The following ANTXRL variants were observed in gnomAD, a reference collection of about 807,000 sequenced individuals.
ANTXRL encodes the protein anthrax toxin receptor-like.
A neutral mutation model predicts 75.4 loss-of-function variants in ANTXRL; 63 were observed. The observed-to-expected ratio is 0.84, with a 90% CI of 0.68 to 1.03. ANTXRL has a LOEUF of 1.03. Ranked by LOEUF, ANTXRL falls within the 50% of genes least tolerant of loss-of-function variation. The pLI is 0.00. For synonymous variants in ANTXRL, 335 were observed against 291.3 expected, an observed-to-expected ratio of 1.15 and a Z score of -1.53; for missense variants, 797 against 789.4, an observed-to-expected ratio of 1.01 and a Z score of -0.12.
At chr10:46,303,368 C>T (rs1837873988) in intron 10 of ANTXRL, among the ~76,000 whole-genome samples, 1 of 152,182 alleles carries the variant, frequency 6.6e-6, no homozygotes, top group South Asian at 2.1e-4. Flanking sequence ...CCTCTATTTT[C>T]TCAATTTAAC....
In ANTXRL at chr10:46,291,723, G is replaced by T. The variant is rs72790436; in HGVS notation, c.249-335G>T. Among the ~76,000 whole-genome samples the T allele has an allele frequency of 4.9e-3, 745 of 152,174 alleles. 12 individuals carry two copies. Among genetic ancestry groups the T allele is most frequent in the Admixed American group, 0.011 (173 of 15,282 alleles). ...TTCTATATTTGGATTGTTCACTGGG[G>T]GCTTTTCCAACCAGTACATTCTCTC... On this transcript the variant is annotated intron_variant, in intron 1 of 16. Coordinates refer to ENST00000620264, the MANE Select transcript of ANTXRL (RefSeq NM_001278688.3).
At chr10:46,291,902 G>A (rs1785079454) in intron 1 of ANTXRL, among the ~76,000 whole-genome samples, 156 bp from the exon 2 acceptor site, 2 of 152,104 alleles carry the variant, frequency 1.3e-5, no homozygotes, top group African/African-American at 2.4e-5. Flanking sequence ...CATGACCTCG[G>A]ATGATCCAGT....
intron 5 of ANTXRL, 27 bp downstream of exon 5, chr10:46,296,279 T>C (rs1554958653): frequency 6.5e-7 from 1 of 1,534,572 alleles, no homozygotes; most frequent in East Asian, 2.4e-5. Context: ...CCCCTGGTGG[T>C]CCTGTAGGGG....
At chr10:46,308,417 C>T (rs1838225404) in intron 12 of ANTXRL, 3 of 343,826 alleles carry the variant, frequency 8.7e-6, no homozygotes, top group African/African-American at 2.3e-5. Context: ...CCCCTCCCCT[C>T]CCCTCCCCTC....
intron 9 of ANTXRL, among the ~76,000 whole-genome samples, chr10:46,301,277 G>T (rs1436495365): frequency 6.6e-6 from 1 of 152,248 alleles, no homozygotes; most frequent in Non-Finnish European, 1.5e-5. Flanking sequence ...GGAAGCAGCT[G>T]CTGTCAGCCT....
At chr10:46,294,877 G>A (rs1837273826) in intron 3 of ANTXRL, among the ~76,000 whole-genome samples, 1 of 151,670 alleles carries the variant, frequency 6.6e-6, no homozygotes, top group Admixed American at 6.6e-5. Flanking sequence ...GGGACTCTCT[G>A]CCCACAGTGG....
intron 16 of ANTXRL, among the ~76,000 whole-genome samples, chr10:46,326,813 G>A (rs1839237235): frequency 6.6e-6 from 1 of 152,114 alleles, no homozygotes; most frequent in Non-Finnish European, 1.5e-5. Context: ...AGGAAACGTG[G>A]AGAAAACATC....
intron 2 of ANTXRL, chr10:46,293,231 A>AGT (rs1262204915): frequency 7.3e-6 from 1 of 137,884 alleles, no homozygotes; most frequent in Non-Finnish European, 1.5e-5. Flanking sequence ...TGTGTGTGTG[A>AGT]GTGTGTATGC....
Position 46,329,619 on chromosome 10 carries a change from C to T in ANTXRL, c.1431C>T (p.Ala477=). The change falls in exon 17 of 17, where the codon GCC becomes GCT. Residue 477 remains alanine, a synonymous_variant. Transcript: ENST00000620264. ...SRDQGRYLSL[A]LAQSQYAQAP... ...TACAGGGGAGGTACCTCAGCTTAGC[C>T]CTTGCACAGTCCCAATATGCACAGG... The T allele has an allele frequency of 1.3e-6, 2 of 1,536,396 alleles. No homozygotes were observed. The highest frequency in any genetic ancestry group is 1.7e-6 in the Non-Finnish European group (2 of 1,146,794).
intron 16 of ANTXRL, among the ~76,000 whole-genome samples, chr10:46,317,002 C>T (rs1183056576): frequency 6.6e-6 from 1 of 152,154 alleles, no homozygotes; most frequent in Non-Finnish European, 1.5e-5. Context: ...AGGGTTAGTT[C>T]CCACCTTGCA....
Position 46,296,271 on chromosome 10 carries a change from C to T in ANTXRL, c.508+19C>T, listed in dbSNP as rs1837370394. The stretch of plus-strand genomic sequence containing the variant: ...TCCGGAAGTAAGCACCTGCCGTCCC[C>T]CTGGTGGTCCTGTAGGGGGAACAGA... On this transcript the variant is annotated intron_variant, in intron 5 of 16. Coordinates refer to ENST00000620264, the MANE Select transcript of ANTXRL (RefSeq NM_001278688.3). 3 of 1,535,316 alleles carry T rather than the reference C, an allele frequency of 2.0e-6. No individual in the cohort carries two copies. Among genetic ancestry groups the T allele is most frequent in the African/African-American group, 2.7e-5 (2 of 72,972 alleles).
chr10:46,322,720 A>G (rs1839039537), intron 16 of ANTXRL, among the ~76,000 whole-genome samples: 1 of 152,180 alleles, frequency 6.6e-6, no homozygotes. Flanking sequence ...CTGTGAGTCT[A>G]TGCTTAACAT....
upstream of ANTXRL, among the ~76,000 whole-genome samples, chr10:46,286,840 G>A (rs1384507631): frequency 6.6e-6 from 1 of 152,148 alleles, no homozygotes; most frequent in African/African-American, 2.4e-5. Context: ...AGGGTCTAGT[G>A]GTTTTAAGGG....
In ANTXRL at chr10:46,287,114, GGGCCATAGTGTGCACTGGTGAAA is replaced by G; in HGVS notation, c.-146_-124del. ...GCGATCTGGGGAGGTACCTGGTGGA[GGGCCATAGTGTGCACTGGTGAAA>G]GGGCAGGAGGAGGGGTGTGGCCCCG... On this transcript the variant is annotated 5_prime_UTR_variant, in exon 1 of 17. Transcript: ENST00000620264. 9.8e-7 allele frequency: 1 copy of G among 1,020,526 alleles called. No individual in the cohort carries two copies. The highest frequency in any genetic ancestry group is 1.4e-6 in the Non-Finnish European group (1 of 721,104). The allele number at this position is 1,020,526 out of a possible 1,614,324, so 63.2% of individuals were successfully genotyped here.
In ANTXRL at chr10:46,287,054, A is replaced by G. The variant is rs1590311629; in HGVS notation, c.-209A>G. 1.6e-6 allele frequency: 1 copy of G among 631,994 alleles called. No homozygotes were observed. Among genetic ancestry groups the G allele is most frequent in the East Asian group, 2.8e-5 (1 of 35,324 alleles). The allele number at this position is 631,994 out of a possible 1,614,324, so 39.1% of individuals were successfully genotyped here. A position where few individuals can be genotyped will look rare whatever the true frequency, so the allele number is the denominator to read the frequency against. On this transcript the variant is annotated 5_prime_UTR_variant, in exon 1 of 17. Coordinates refer to ENST00000620264, the MANE Select transcript of ANTXRL (RefSeq NM_001278688.3). ...AAGGGCCAGGCAGGTAGCTGGAAGC[A>G]AGTCTCCCAGAGCCAGCTGCTGACC...
chr10:46,293,627 A>C (rs1837189881), intron 2 of ANTXRL, among the ~76,000 whole-genome samples: 1 of 151,650 alleles, frequency 6.6e-6, no homozygotes, highest in Non-Finnish European at 1.5e-5. Context: ...GGATGCAGTG[A>C]GTTGCCATCC....
intron 12 of ANTXRL, chr10:46,308,641 G>C (rs1838244548): frequency 2.9e-6 from 1 of 350,370 alleles, no homozygotes; most frequent in South Asian, 2.2e-5. Context: ...TGCCCCCAGG[G>C]AGGGCGGCTC....
chr10:46,292,147 G>A lies in ANTXRL; in HGVS notation c.320+18G>A, dbSNP rs1554956689. 9 of 1,535,214 alleles carry A rather than the reference G, an allele frequency of 5.9e-6. No individual in the cohort carries two copies. Among genetic ancestry groups the A allele is most frequent in the Non-Finnish European group, 7.0e-6 (8 of 1,146,126 alleles). ...TTCCAAAGGTACAGATCTCTGCATG[G>A]CAGCCTCCCCTGAGCTGCAGAGAGC... On this transcript the variant is annotated intron_variant, in intron 2 of 16. Transcript: ENST00000620264.
chr10:46,303,622 C>T (rs1338179884), intron 10 of ANTXRL, among the ~76,000 whole-genome samples: 1 of 152,140 alleles, frequency 6.6e-6, no homozygotes, highest in African/African-American at 2.4e-5. Context: ...TATAGATGGT[C>T]AGCCACAGTT....
Sources: allele counts gnomAD v4.1 joint callset (sites outside exome capture counted in the v4.1 genomes callset), GRCh38; gene constraint gnomAD v4.1.1; transcripts MANE v1.5; gene names NCBI Gene and HGNC (gene_info 2026-07-23, HGNC 2026-07-21).